SGCZ: variants seen among roughly 807,000 people sequenced by gnomAD.
SGCZ encodes the protein zeta-sarcoglycan.
In SGCZ, 40 loss-of-function variants were observed where a neutral mutation model predicts 41.3. That is an observed-to-expected ratio of 0.97 (90% CI 0.75 to 1.26). The LOEUF (loss-of-function observed/expected upper bound fraction) is 1.26, where lower values mean the gene tolerates loss of function less well. Among genes scored for constraint, SGCZ ranks in the 50% most tolerant of loss-of-function variants. SGCZ has a pLI of 0.00. For synonymous variants in SGCZ, 206 were observed against 137.5 expected (o/e 1.50, Z -3.49); for missense variants, 552 against 369.8 (o/e 1.49, Z -4.04).
chr8:14,369,523 G>A (rs558947021), intron 2 of SGCZ, among the ~76,000 whole-genome samples: 27 of 151,862 alleles, frequency 1.8e-4, no homozygotes, highest in Admixed American at 1.5e-3. Context: ...TTCGTAGAAG[G>A]CAGCATCTCC....
rs1585528299 is a variant in SGCZ, at chr8:14,448,664, C to T, written c.234+106068G>A. Among the ~76,000 whole-genome samples, 7 of 150,904 alleles carry T rather than the reference C, an allele frequency of 4.6e-5. No individual in the cohort carries two copies. In the South Asian group the frequency reaches 1.0e-3, roughly 23 times the overall value. ...AAAGAACAACAGTAATTCAAGTTTC[C>T]TCAGTTCATAAATGTTCTTAGAATG... On this transcript the variant is annotated intron_variant, in intron 2 of 7. Transcript: ENST00000382080.
intron 1 of SGCZ, among the ~76,000 whole-genome samples, chr8:15,082,415 C>T (rs1215315500): frequency 7.1e-6 from 1 of 139,944 alleles, no homozygotes; most frequent in Non-Finnish European, 1.6e-5. Context: ...TACACACACA[C>T]ATATATATGT....
chr8:15,089,995 T>C (rs1370503472), intron 1 of SGCZ, among the ~76,000 whole-genome samples: 1 of 152,230 alleles, frequency 6.6e-6, no homozygotes, highest in African/African-American at 2.4e-5. Flanking sequence ...AAATTCAAAG[T>C]CTGTGGCTTA....
Position 14,848,735 on chromosome 8 carries a change from A to T in SGCZ, c.40-293809T>A, listed in dbSNP as rs183574241. 4.2e-3 allele frequency among the ~76,000 whole-genome samples: 645 copies of T among 152,340 alleles called. 4 individuals carry two copies. Among genetic ancestry groups the T allele is most frequent in the South Asian group, 0.018 (86 of 4,818 alleles). On this transcript the variant is annotated intron_variant, in intron 1 of 7. Coordinates refer to ENST00000382080, the MANE Select transcript of SGCZ (RefSeq NM_139167.4). ...AAAATGTAAATCCTAAAGCAATAAAAATCTTTTTAAAAATCATAGAATAAA... is the reference window on the plus strand; with the variant it reads ...AAAATGTAAATCCTAAAGCAATAAATATCTTTTTAAAAATCATAGAATAAA...
At chr8:14,831,217 A>T (rs187648354) in intron 1 of SGCZ, among the ~76,000 whole-genome samples, 180 of 152,324 alleles carry the variant, frequency 1.2e-3, no homozygotes, top group African/African-American at 4.2e-3. Context: ...AAGATTTTCA[A>T]AGTACATGAC....
intron 1 of SGCZ, among the ~76,000 whole-genome samples, chr8:14,649,431 T>C (rs1215031362): frequency 1.3e-5 from 2 of 152,062 alleles, no homozygotes; most frequent in Admixed American, 6.6e-5. Flanking sequence ...CTGTTTGAAA[T>C]ACAGACTTAA....
chr8:14,758,561 T>C (rs1053355362), intron 1 of SGCZ, among the ~76,000 whole-genome samples: 1 of 152,232 alleles, frequency 6.6e-6, no homozygotes, highest in Non-Finnish European at 1.5e-5. Flanking sequence ...AAATTCTATA[T>C]TAAAAATTCA....
At chr8:14,552,183 G>A (rs889432063) in intron 2 of SGCZ, among the ~76,000 whole-genome samples, 1 of 151,978 alleles carries the variant, frequency 6.6e-6, no homozygotes, top group African/African-American at 2.4e-5. Flanking sequence ...CATAACATTG[G>A]TTTTATTTTA....
intron 1 of SGCZ, among the ~76,000 whole-genome samples, chr8:15,061,612 T>C (rs1563477482): frequency 6.6e-6 from 1 of 152,224 alleles, no homozygotes; most frequent in African/African-American, 2.4e-5. Context: ...TGCTCTTCTG[T>C]TGAGAACTCA....
chr8:15,216,737 A>G (rs916108614), intron 1 of SGCZ, among the ~76,000 whole-genome samples: 1 of 152,132 alleles, frequency 6.6e-6, no homozygotes, highest in African/African-American at 2.4e-5. Context: ...CAAGCATTAA[A>G]TTTGGTCATA....
intron 2 of SGCZ, among the ~76,000 whole-genome samples, chr8:14,372,679 T>C (rs1193301515): frequency 6.6e-6 from 1 of 152,094 alleles, no homozygotes; most frequent in African/African-American, 2.4e-5. Context: ...TGTAGAATTT[T>C]GGAGATATCT....
chr8:14,329,352 C>T lies in SGCZ; in HGVS notation c.235-5148G>A, dbSNP rs546901181. On this transcript the variant is annotated intron_variant, in intron 2 of 7. Transcript: ENST00000382080. ...AATGAGACACTATGTAAGTGAATTA[C>T]TATTGGACCTGGTATATTTTTAATA... Among the ~76,000 whole-genome samples, 562 of 152,248 alleles carry T rather than the reference C, an allele frequency of 3.7e-3. 4 individuals are homozygous for T. Among genetic ancestry groups the T allele is most frequent in the Non-Finnish European group, 6.1e-3 (418 of 68,012 alleles).
intron 2 of SGCZ, among the ~76,000 whole-genome samples, chr8:14,367,540 T>C (rs1803757419): frequency 1.3e-5 from 2 of 152,098 alleles, no homozygotes; most frequent in Admixed American, 1.3e-4. Flanking sequence ...TTTAATGGAC[T>C]CACAGTTATG....
chr8:14,515,519 T>C (rs1026255497), intron 2 of SGCZ, among the ~76,000 whole-genome samples: 2 of 152,098 alleles, frequency 1.3e-5, no homozygotes, highest in Non-Finnish European at 2.9e-5. Context: ...TCAAGTACCT[T>C]ATTTCTTTCA....
At chr8:15,027,945 T>A (rs1386242486) in intron 1 of SGCZ, among the ~76,000 whole-genome samples, 2 of 152,118 alleles carry the variant, frequency 1.3e-5, no homozygotes, top group African/African-American at 4.8e-5. Context: ...GGTTTGAATC[T>A]TCTCACCTTT....
Position 14,453,840 on chromosome 8 carries a change from A to G in SGCZ, c.234+100892T>C, listed in dbSNP as rs117820171. Among the ~76,000 whole-genome samples the G allele has an allele frequency of 1.4e-3, 206 of 152,332 alleles. 2 individuals are homozygous for G. In the East Asian group the frequency reaches 0.024, roughly 18 times the overall value. ...ATTCTGTCAGTTTTTAAAAAGAGTG[A>G]TTCTTAAATACACAGAGCTTTAAAT... On this transcript the variant is annotated intron_variant, in intron 2 of 7. Transcript: ENST00000382080.
intron 3 of SGCZ, among the ~76,000 whole-genome samples, chr8:14,268,439 C>T (rs1452194743): frequency 6.6e-6 from 1 of 151,448 alleles, no homozygotes; most frequent in African/African-American, 2.4e-5. Flanking sequence ...AAGTAAAAAT[C>T]TGTCTCACTG....
intron 2 of SGCZ, among the ~76,000 whole-genome samples, chr8:14,459,706 A>G (rs1295107878): frequency 6.6e-6 from 1 of 152,130 alleles, no homozygotes; most frequent in African/African-American, 2.4e-5. Context: ...TAGTAATAAA[A>G]CATGTATATT....
At chr8:14,146,589 T>C (rs74871488) in intron 5 of SGCZ, among the ~76,000 whole-genome samples, 5,904 of 152,086 alleles carry the variant, frequency 0.039, 375 homozygotes, top group African/African-American at 0.13. Flanking sequence ...TTATCCTAAA[T>C]AGACTAAATT....
Sources: gnomAD v4.1 joint callset for allele counts (sites outside exome capture counted in the v4.1 genomes callset) on GRCh38, gnomAD v4.1.1 for gene constraint, MANE v1.5 for transcripts, NCBI Gene and HGNC (gene_info 2026-07-23, HGNC 2026-07-21) for gene names.